Variants in MAP2K6 observed in about 807,000 individuals in gnomAD.
MAP2K6 encodes dual specificity mitogen-activated protein kinase kinase 6.
In MAP2K6, 16 loss-of-function variants were observed where a neutral mutation model predicts 53.7. The observed-to-expected ratio is 0.30, with a 90% CI of 0.20 to 0.45. The LOEUF (loss-of-function observed/expected upper bound fraction) is 0.45, where lower values mean the gene tolerates loss of function less well. Among genes scored for constraint, MAP2K6 ranks in the 20% least tolerant of loss-of-function variants. The pLI is 1.00. For missense variants in MAP2K6, 204 were observed against 411.9 expected (o/e 0.50, Z 4.37); for synonymous variants, 132 against 143.1 (o/e 0.92, Z 0.55).
At chr17:69,506,908 A>T (rs929655064) in intron 2 of MAP2K6, among the ~76,000 whole-genome samples, 1 of 152,102 alleles carries the variant, frequency 6.6e-6, no homozygotes, top group Non-Finnish European at 1.5e-5. Context: ...TGCAGGAGGA[A>T]GATCCGTCTT....
intron 1 of MAP2K6, among the ~76,000 whole-genome samples, chr17:69,457,771 G>C (rs1209216263): frequency 6.6e-6 from 1 of 152,152 alleles, no homozygotes; most frequent in Non-Finnish European, 1.5e-5. Flanking sequence ...CACTACTCCA[G>C]CCTGGGTAAC....
At chr17:69,447,602 T>TA (rs754183773) in intron 1 of MAP2K6, among the ~76,000 whole-genome samples, 2 of 152,182 alleles carry the variant, frequency 1.3e-5, no homozygotes, top group African/African-American at 2.4e-5. Context: ...CATCTTGGCC[T>TA]CCCAAAGTGC....
At chr17:69,522,131 G>A (rs1175192504) in intron 7 of MAP2K6, among the ~76,000 whole-genome samples, 1 of 152,118 alleles carries the variant, frequency 6.6e-6, no homozygotes, top group Non-Finnish European at 1.5e-5. Context: ...GAAGAATAAT[G>A]GAATGTATTG....
At chr17:69,446,543 C>G (rs1208014328) in intron 1 of MAP2K6, among the ~76,000 whole-genome samples, 2 of 152,086 alleles carry the variant, frequency 1.3e-5, no homozygotes, top group Non-Finnish European at 2.9e-5. Context: ...TGCTCCTTCA[C>G]TACTAACCTA....
intron 1 of MAP2K6, among the ~76,000 whole-genome samples, chr17:69,500,834 A>C (rs1211412883): frequency 6.6e-6 from 1 of 151,884 alleles, no homozygotes; most frequent in Non-Finnish European, 1.5e-5. Flanking sequence ...ATTTGTCTTC[A>C]GTGTTTGGAA....
chr17:69,519,555 GT>G, intron 5 of MAP2K6, 123 bp downstream of exon 5: 1 of 1,151,134 alleles, frequency 8.7e-7, no homozygotes, highest in Non-Finnish European at 1.2e-6. Flanking sequence ...GTATACGGGG[GT>G]TTACGTGTGT....
At chr17:69,534,950 G>C (rs1392288371) in intron 10 of MAP2K6, among the ~76,000 whole-genome samples, 1 of 149,456 alleles carries the variant, frequency 6.7e-6, no homozygotes, top group Non-Finnish European at 1.5e-5. Context: ...CAAGTAAATT[G>C]TTTCTTTTCT....
In MAP2K6 at chr17:69,541,589, G is replaced by C. The variant is rs1389418412; in HGVS notation, c.928-87G>C. On this transcript the variant is annotated intron_variant, in intron 11 of 11. Coordinates refer to ENST00000590474, the MANE Select transcript of MAP2K6 (RefSeq NM_002758.4). ...GCTCTGATAGGGATACTTAATCCCT[G>C]TACCAAGCAGATCTATTCATTTGCT... 6.9e-5 allele frequency: 70 copies of C among 1,018,042 alleles called. No individual in the cohort carries two copies. In the East Asian group the frequency reaches 1.7e-3, roughly 25 times the overall value. 63.1% of individuals were successfully genotyped at this position (1,018,042 alleles called of 1,614,324 possible).
In MAP2K6 at chr17:69,494,093, G is replaced by A. The variant is rs1031961588; in HGVS notation, c.17-11687G>A. Reference sequence around the variant, plus strand: ...GAGGGATGTGTGAGTCAATAACAAGGGATAAGAGCAGCAGAATCCAGTGGA... The same window carrying A: ...GAGGGATGTGTGAGTCAATAACAAGAGATAAGAGCAGCAGAATCCAGTGGA... On this transcript the variant is annotated intron_variant, in intron 1 of 11. Transcript: ENST00000590474. The surrounding 1 kb of genome is among the most constrained non-coding windows in gnomAD (Gnocchi z 4.2). Among the ~76,000 whole-genome samples the A allele has an allele frequency of 6.6e-6, 1 of 152,166 alleles. No homozygotes were observed. Among genetic ancestry groups the A allele is most frequent in the Non-Finnish European group, 1.5e-5 (1 of 68,024 alleles).
intron 1 of MAP2K6, among the ~76,000 whole-genome samples, chr17:69,480,943 T>C (rs1908331156): frequency 7.6e-6 from 1 of 130,776 alleles, no homozygotes; most frequent in Non-Finnish European, 1.6e-5. Flanking sequence ...AAATGTGAAA[T>C]GAGAGAATAA....
chr17:69,428,365 T>C (rs1178366756), intron 1 of MAP2K6, among the ~76,000 whole-genome samples: 1 of 152,234 alleles, frequency 6.6e-6, no homozygotes, highest in Non-Finnish European at 1.5e-5. Flanking sequence ...TTCCCCTGTA[T>C]ACTCATAGCC....
At chr17:69,516,784 G>A (rs76163251) in intron 2 of MAP2K6, 71 bp from the exon 3 acceptor site, 13 of 1,005,048 alleles carry the variant, frequency 1.3e-5, no homozygotes, top group South Asian at 9.9e-5. Flanking sequence ...ATCCTCAGTG[G>A]TGTGTGATTT....
chr17:69,508,051 T>TTTA (rs1909612672), intron 2 of MAP2K6, among the ~76,000 whole-genome samples: 1 of 69,492 alleles, frequency 1.4e-5, no homozygotes, highest in African/African-American at 6.4e-5. Context: ...GTTTTTTTTT[T>TTTA]TTTTTTTTTT....
intron 1 of MAP2K6, among the ~76,000 whole-genome samples, chr17:69,500,193 A>C (rs985435974): frequency 5.9e-5 from 9 of 152,068 alleles, no homozygotes; most frequent in African/African-American, 2.2e-4. Context: ...CAGTAACAGC[A>C]CTTTGGGAGG....
In MAP2K6 at chr17:69,532,689, G is replaced by A. The variant is rs528823499; in HGVS notation, c.882-3426G>A. On this transcript the variant is annotated intron_variant, in intron 10 of 11. Coordinates refer to ENST00000590474, the MANE Select transcript of MAP2K6 (RefSeq NM_002758.4). ...TCTTGATTTAAAAGATGGAGAGAATGGGTTATATCAGTTCCATTAATTTAA... is the reference window on the plus strand; with the variant it reads ...TCTTGATTTAAAAGATGGAGAGAATAGGTTATATCAGTTCCATTAATTTAA... Among the ~76,000 whole-genome samples, 4 of 152,284 alleles carry A rather than the reference G, an allele frequency of 2.6e-5. No homozygotes were observed. The East Asian group carries it at 7.7e-4, about 29-fold the overall frequency.
Position 69,553,863 on chromosome 17 carries a change from G to T in MAP2K6, c.*12110G>T, listed in dbSNP as rs528780622. ...ACCAATAAAAGACATTTTAAAAAGC[G>T]TAGTGAGTCTGTACATTAATTGAGT... On this transcript the variant is annotated 3_prime_UTR_variant, in exon 12 of 12. Transcript: ENST00000590474. The T allele has an allele frequency of 6.6e-6, 1 of 152,186 alleles. No individual in the cohort carries two copies. Among genetic ancestry groups the T allele is most frequent in the South Asian group, 2.1e-4 (1 of 4,832 alleles). 9.4% of individuals were successfully genotyped at this position (152,186 alleles called of 1,614,324 possible).
At chr17:69,439,649 C>G (rs554718930) in intron 1 of MAP2K6, among the ~76,000 whole-genome samples, 2 of 152,192 alleles carry the variant, frequency 1.3e-5, no homozygotes, top group African/African-American at 4.8e-5. Flanking sequence ...CTGATGTTAT[C>G]TTTGCTCTCT....
intron 11 of MAP2K6, among the ~76,000 whole-genome samples, chr17:69,538,943 T>A (rs1179416504): frequency 6.6e-6 from 1 of 151,524 alleles, no homozygotes; most frequent in East Asian, 1.9e-4. Flanking sequence ...AAAAAAAAAA[T>A]GGGGTGTGTG....
At chr17:69,449,549 CTTTCTTTCTTTA>C (rs1364723189) in intron 1 of MAP2K6, among the ~76,000 whole-genome samples, 1,347 of 96,610 alleles carry the variant, frequency 0.014, 20 homozygotes, top group African/African-American at 0.038. Context: ...TTCTTTCTTT[CTTTCTTTCTTTA>C]TTTCTTTCTT....
Sources: allele counts gnomAD v4.1 joint callset (sites outside exome capture counted in the v4.1 genomes callset), GRCh38; gene constraint gnomAD v4.1.1; non-coding constraint Gnocchi (gnomAD v3.1); transcripts MANE v1.5; gene names NCBI Gene and HGNC (gene_info 2026-07-23, HGNC 2026-07-21).